FMN1: variants seen among roughly 807,000 people sequenced by gnomAD.
FMN1 encodes the protein formin 1.
In FMN1, 110 loss-of-function variants were observed where a neutral mutation model predicts 132.4. The ratio of observed to expected loss-of-function variants is 0.83; its 90% CI spans 0.71 to 0.97. The LOEUF (loss-of-function observed/expected upper bound fraction) is 0.97, where lower values mean the gene tolerates loss of function less well. FMN1 is among the 50% of genes least tolerant of loss of function. The probability of loss-of-function intolerance (pLI) is 0.00; values close to 1 mark genes in which losing one functional copy is unlikely to be tolerated. For missense variants in FMN1, 1,792 were observed against 1,705.3 expected (o/e 1.05, Z -0.90); for synonymous variants, 722 against 651.7 (o/e 1.11, Z -1.64).
At chr15:32,924,693 G>A (rs924300573) in intron 10 of FMN1, among the ~76,000 whole-genome samples, 2 of 152,250 alleles carry the variant, frequency 1.3e-5, no homozygotes, top group African/African-American at 4.8e-5. Flanking sequence ...GCCAAGGCGG[G>A]TGGATGATCT....
intron 7 of FMN1, among the ~76,000 whole-genome samples, chr15:32,975,802 T>C (rs916116612): frequency 1.3e-5 from 2 of 152,192 alleles, no homozygotes; most frequent in Non-Finnish European, 2.9e-5. Context: ...GATTCTAATC[T>C]GATTAGGAAT....
chr15:33,146,030 C>T (rs1487950184), intron 4 of FMN1, among the ~76,000 whole-genome samples: 2 of 145,364 alleles, frequency 1.4e-5, no homozygotes, highest in Non-Finnish European at 3.0e-5. Context: ...GGCTGGAGTT[C>T]AGTGGTGCAA....
In FMN1 at chr15:33,033,772, C is replaced by T. The variant is rs77127245; in HGVS notation, c.2162-25697G>A. Among the ~76,000 whole-genome samples the T allele has an allele frequency of 9.6e-3, 1,457 of 152,094 alleles. 24 individuals carry two copies. The highest frequency in any genetic ancestry group is 0.032 in the African/African-American group (1,320 of 41,476). Reference sequence around the variant, plus strand: ...ACCCACTCCAAATTAAACTTTTATCCCGACACCTCCAATACTCTTTCATTG... The same window carrying T: ...ACCCACTCCAAATTAAACTTTTATCTCGACACCTCCAATACTCTTTCATTG... On this transcript the variant is annotated intron_variant, in intron 6 of 20. Transcript: ENST00000616417.
rs1317845898 is a variant in FMN1, at chr15:33,088,809, A to C, written c.2033T>G (p.Leu678Trp). 2.0e-6 allele frequency: 3 copies of C among 1,535,408 alleles called. No individual in the cohort carries two copies. In the African/African-American group the frequency reaches 4.1e-5, roughly 21 times the overall value. Residue 678 changes from leucine to tryptophan, a missense_variant, in exon 5 of 21, where the codon TTG (leucine) becomes TGG (tryptophan). Physicochemically the swap from Leu to Trp is moderately conservative, Grantham distance 61. Transcript: ENST00000616417. ...AAGATTTCTACTTACATGGAGATCCAAGTACAATTCGCTCCTGTTTGACTT... is the reference window on the plus strand; with the variant it reads ...AAGATTTCTACTTACATGGAGATCCCAGTACAATTCGCTCCTGTTTGACTT... ...REKSNRSELYLDLHPDHSLTE... is the reference protein window; with the variant it reads ...REKSNRSELYWDLHPDHSLTE...
intron 7 of FMN1, among the ~76,000 whole-genome samples, chr15:32,981,518 AAAT>A (rs34776483): frequency 1.2e-3 from 162 of 140,622 alleles, no homozygotes; most frequent in South Asian, 8.0e-3. Flanking sequence ...ACTCCATCTC[AAAT>A]AATAATAATA....
chr15:32,775,444 T>TG (rs879942481), intron 20 of FMN1, among the ~76,000 whole-genome samples: 2 of 152,040 alleles, frequency 1.3e-5, no homozygotes, highest in Non-Finnish European at 2.9e-5. Context: ...CTCTCTGCCT[T>TG]GGGGGAACAA....
At chr15:33,057,996 GGTGGAAAGGCGTGGCGGGGCTGGTA>G (rs1236915465) in intron 6 of FMN1, among the ~76,000 whole-genome samples, 11 of 149,822 alleles carry the variant, frequency 7.3e-5, no homozygotes, top group Admixed American at 3.3e-4. Flanking sequence ...TGGGGCTGGT[GGTGGAAAGGCGTGGCGGGGCTGGTA>G]GTGGAAAGGC....
At chr15:33,107,204 C>T (rs1227031209) in intron 4 of FMN1, among the ~76,000 whole-genome samples, 2 of 152,004 alleles carry the variant, frequency 1.3e-5, no homozygotes, top group Admixed American at 6.6e-5. Context: ...TACCACCAAA[C>T]AGTATCCCAA....
intron 19 of FMN1, among the ~76,000 whole-genome samples, chr15:32,783,735 ACT>A (rs1339225438): frequency 8.8e-6 from 1 of 113,264 alleles, no homozygotes; most frequent in Non-Finnish European, 1.7e-5. Context: ...ACAGAGCGAG[ACT>A]CTGTTTCAAA....
At chr15:32,899,156 A>G (rs2060232800) in intron 14 of FMN1, among the ~76,000 whole-genome samples, 1 of 152,058 alleles carries the variant, frequency 6.6e-6, no homozygotes, top group East Asian at 1.9e-4. Flanking sequence ...AAAACAAACA[A>G]AAAAGTTGTG....
intron 4 of FMN1, among the ~76,000 whole-genome samples, chr15:33,116,362 C>T (rs930261394): frequency 3.3e-5 from 5 of 152,120 alleles, no homozygotes; most frequent in Admixed American, 2.6e-4. Context: ...GCAACAAATC[C>T]GAGGCAGCCA....
At chr15:33,100,509 AGGGAGGAGGAG>A (rs757357942) in intron 4 of FMN1, among the ~76,000 whole-genome samples, 21 of 149,552 alleles carry the variant, frequency 1.4e-4, no homozygotes, top group Non-Finnish European at 2.9e-4. Context: ...AAAGGAGGAA[AGGGAGGAGGAG>A]GGGAGGGGTC....
chr15:33,035,115 T>A (rs767373020), intron 6 of FMN1, among the ~76,000 whole-genome samples: 3 of 152,242 alleles, frequency 2.0e-5, no homozygotes, highest in Non-Finnish European at 4.4e-5. Flanking sequence ...AACATATTTT[T>A]AATTGTGATA....
intron 7 of FMN1, among the ~76,000 whole-genome samples, chr15:32,989,003 G>C (rs951178993): frequency 2.0e-5 from 3 of 152,324 alleles, no homozygotes; most frequent in Admixed American, 2.0e-4. Context: ...TCTCCCAGCA[G>C]AAAGTCATAA....
At chr15:33,134,566 G>A (rs2444962) in intron 4 of FMN1, among the ~76,000 whole-genome samples, 14,860 of 152,268 alleles carry the variant, frequency 0.098, 1,674 homozygotes, top group East Asian at 0.6. Flanking sequence ...GTAGTCGATT[G>A]GGGTAGCCTC....
At chr15:33,106,729 A>G (rs949160669) in intron 4 of FMN1, among the ~76,000 whole-genome samples, 3 of 152,034 alleles carry the variant, frequency 2.0e-5, no homozygotes, top group Non-Finnish European at 1.5e-5. Flanking sequence ...GTACAATAGG[A>G]TGTTCAGCAG....
At chr15:32,983,333 C>T (rs1334138773) in intron 7 of FMN1, among the ~76,000 whole-genome samples, 2 of 152,148 alleles carry the variant, frequency 1.3e-5, no homozygotes, top group Non-Finnish European at 2.9e-5. Flanking sequence ...TAGAAAACAT[C>T]AATGGATGCC....
intron 7 of FMN1, among the ~76,000 whole-genome samples, chr15:32,979,690 T>A (rs987679046): frequency 9.2e-5 from 14 of 152,238 alleles, no homozygotes; most frequent in African/African-American, 3.4e-4. Flanking sequence ...TACAGTGCTA[T>A]TATTTTTACT....
At chr15:33,040,862 A>G (rs345889) in intron 6 of FMN1, among the ~76,000 whole-genome samples, 129,919 of 152,252 alleles carry the variant, frequency 0.85, 56,048 homozygotes, top group Middle Eastern at 0.91. Context: ...AGATCTGAAA[A>G]CCATTTGTTA....
Sources: allele counts gnomAD v4.1 joint callset (sites outside exome capture counted in the v4.1 genomes callset), GRCh38; gene constraint gnomAD v4.1.1; transcripts MANE v1.5; gene names NCBI Gene and HGNC (gene_info 2026-07-23, HGNC 2026-07-21).